The following BIN3 variants were observed in gnomAD, a reference collection of about 807,000 sequenced individuals.
The protein encoded by BIN3 is bridging integrator 3.
Under a neutral mutation model 38.2 loss-of-function variants are expected in BIN3, and 41 were observed. The observed-to-expected ratio is 1.07, with a 90% CI of 0.84 to 1.39. BIN3 has a LOEUF of 1.39. Ranked by LOEUF, BIN3 falls within the 40% of genes most tolerant of loss-of-function variation. The pLI is 0.00. For missense variants in BIN3, 361 were observed against 324.3 expected, an observed-to-expected ratio of 1.11 and a Z score of -0.87; for synonymous variants, 145 against 122.6, an observed-to-expected ratio of 1.18 and a Z score of -1.21.
At chr8:22,632,696 T>C (rs2404655) in intron 4 of BIN3, among the ~76,000 whole-genome samples, 95,324 of 148,204 alleles carry the variant, frequency 0.64, 31,361 homozygotes, top group South Asian at 0.76. Flanking sequence ...ACACGGTCTT[T>C]CCACTTTCCT....
intron 1 of BIN3, 161 bp from the exon 2 acceptor site, chr8:22,644,964 A>G (rs760015749): frequency 3.2e-6 from 2 of 617,746 alleles, no homozygotes; most frequent in South Asian, 1.8e-5. Flanking sequence ...AACCATTGGC[A>G]TCTGGGCTTG....
At chr8:22,635,886 T>G (rs17088501) in intron 4 of BIN3, among the ~76,000 whole-genome samples, 1 of 152,086 alleles carries the variant, frequency 6.6e-6, no homozygotes, top group Non-Finnish European at 1.5e-5. Flanking sequence ...GGGCTCTGGA[T>G]GCTCCCTTAT....
intron 1 of BIN3, among the ~76,000 whole-genome samples, chr8:22,657,686 C>G (rs1474005955): frequency 6.6e-6 from 1 of 152,222 alleles, no homozygotes; most frequent in Admixed American, 6.5e-5. Flanking sequence ...ATGGAGTATT[C>G]CTGCAGGAAG....
At chr8:22,633,271 A>C (rs1287793487) in intron 4 of BIN3, among the ~76,000 whole-genome samples, 8 of 151,962 alleles carry the variant, frequency 5.3e-5, no homozygotes, top group African/African-American at 1.9e-4. Flanking sequence ...GGAGTTCGAG[A>C]CCAGCCTGGA....
At chr8:22,624,435 G>A in intron 6 of BIN3, 72 bp from the exon 7 acceptor site, 1 of 1,558,258 alleles carries the variant, frequency 6.4e-7, no homozygotes, top group Non-Finnish European at 8.7e-7. Flanking sequence ...GTCTGCTCTT[G>A]GAGGGGTGGC....
At chr8:22,627,270 C>T (rs1234099920) in intron 6 of BIN3, among the ~76,000 whole-genome samples, 1 of 152,174 alleles carries the variant, frequency 6.6e-6, no homozygotes, top group African/African-American at 2.4e-5. Context: ...GAACTCACAT[C>T]AGTCAGGGCA....
intron 8 of BIN3, among the ~76,000 whole-genome samples, chr8:22,623,651 C>T (rs1871901): frequency 4.6e-5 from 7 of 152,166 alleles, no homozygotes; most frequent in African/African-American, 1.4e-4. Context: ...AGATCCATGG[C>T]GGAACTGCTG....
At chr8:22,665,356 C>T (rs1336883847) in intron 1 of BIN3, among the ~76,000 whole-genome samples, 1 of 152,180 alleles carries the variant, frequency 6.6e-6, no homozygotes. Flanking sequence ...ATTTAATAAA[C>T]ACTTCCTGAC....
chr8:22,629,574 T>C (rs3758040), intron 6 of BIN3: 154,525 of 224,630 alleles, frequency 0.69, 54,195 homozygotes, highest in South Asian at 0.81. Flanking sequence ...TCTCCCAAGC[T>C]GGCGGGGCAA....
Position 22,636,952 on chromosome 8 carries a change from T to A in BIN3, c.68A>T (p.Asp23Val), listed in dbSNP as rs1383495145. 1.2e-6 allele frequency: 2 copies of A among 1,613,162 alleles called. No individual in the cohort carries two copies. Among genetic ancestry groups the A allele is most frequent in the South Asian group, 2.2e-5 (2 of 91,052 alleles). Residue 23 changes from aspartate to valine, a missense_variant, in exon 3 of 9, where the codon GAC becomes GTC. Physicochemically the swap from Asp to Val is radical, Grantham distance 152. Coordinates refer to ENST00000276416, the MANE Select transcript of BIN3 (RefSeq NM_018688.6). ...AAGTTTTCCATACTCCCTTTCAAAG[T>A]CTCTCTCCACCTGAAACGAGAGAGA... is the stretch of plus-strand genomic sequence containing the variant. Reference protein sequence around the residue: ...KQIVPKTVERDFEREYGKLQQ... With the variant: ...KQIVPKTVERVFEREYGKLQQ...
chr8:22,625,635 T>C (rs1441525582), intron 6 of BIN3: 1 of 540,918 alleles, frequency 1.8e-6, no homozygotes, highest in African/African-American at 1.9e-5. Flanking sequence ...TCACCCAGGC[T>C]GGAGTACAGT....
intron 6 of BIN3, among the ~76,000 whole-genome samples, chr8:22,628,201 C>T (rs1420506431): frequency 6.6e-6 from 1 of 152,238 alleles, no homozygotes; most frequent in African/African-American, 2.4e-5. Context: ...TTGAAAGCAT[C>T]CCCATCCGAC....
At chr8:22,646,217 G>A (rs146811037) in intron 1 of BIN3, among the ~76,000 whole-genome samples, 20 of 152,322 alleles carry the variant, frequency 1.3e-4, no homozygotes, top group African/African-American at 4.8e-4. Flanking sequence ...GCATCCCAAT[G>A]GCTATGGAAA....
intron 1 of BIN3, among the ~76,000 whole-genome samples, chr8:22,665,906 T>C (rs1263078055): frequency 3.3e-5 from 5 of 152,078 alleles, no homozygotes; most frequent in African/African-American, 7.2e-5. Context: ...CACAGCAGGC[T>C]CAGGTGGCAA....
intron 4 of BIN3, among the ~76,000 whole-genome samples, chr8:22,632,320 G>A (rs547864755): frequency 1.1e-4 from 17 of 152,226 alleles, no homozygotes; most frequent in Non-Finnish European, 2.4e-4. Flanking sequence ...CCCTTCACCA[G>A]TCAGCAAAGC....
At chr8:22,667,334 G>A (rs1350622536) in intron 1 of BIN3, among the ~76,000 whole-genome samples, 1 of 152,212 alleles carries the variant, frequency 6.6e-6, no homozygotes, top group Non-Finnish European at 1.5e-5. Flanking sequence ...GAGACAGGTG[G>A]AAACAACCTG....
At chr8:22,629,344 A>T (rs1014244034) in intron 6 of BIN3, among the ~76,000 whole-genome samples, 3 of 152,024 alleles carry the variant, frequency 2.0e-5, no homozygotes, top group African/African-American at 7.2e-5. Flanking sequence ...TCGGGGCTTT[A>T]AGGCACGGCT....
chr8:22,621,479 C>T lies in BIN3; in HGVS notation c.705G>A (p.Arg235=), dbSNP rs1269651746. 1.2e-6 allele frequency: 2 copies of T among 1,613,910 alleles called. No homozygotes were observed. The highest frequency in any genetic ancestry group is 1.1e-5 in the South Asian group (1 of 91,084). ...GCTCACTGAGTTTGGCCTCGTTCTC[C>T]CGCTCCCGCTGCTCATCGGAGTGGC... ...QPGHSDEQRE[R]ENEAKLSELR... Residue 235 remains arginine, a synonymous_variant, in exon 9 of 9, where the codon CGG becomes CGA. Transcript: ENST00000276416.
chr8:22,669,112 T>G lies in BIN3; in HGVS notation c.-61A>C, dbSNP rs1803527330. On this transcript the variant is annotated 5_prime_UTR_variant, in exon 1 of 9. Transcript: ENST00000276416. ...CCACAACTCGTTTCTCTAGGGTCAC[T>G]TCCGGATTCAACCAGTCTCCAGGAA... The G allele has an allele frequency of 6.4e-7, 1 of 1,561,756 alleles. No homozygotes were observed. The highest frequency in any genetic ancestry group is 1.2e-5 in the South Asian group (1 of 84,970).
Sources: allele counts gnomAD v4.1 joint callset (sites outside exome capture counted in the v4.1 genomes callset), GRCh38; gene constraint gnomAD v4.1.1; transcripts MANE v1.5; gene names NCBI Gene and HGNC (gene_info 2026-07-23, HGNC 2026-07-21).